The following MYBPC1 variants were observed in gnomAD, a reference collection of about 807,000 sequenced individuals.
MYBPC1 encodes myosin binding protein C1.
MYBPC1 carries 52 observed loss-of-function variants against 147.1 expected under a neutral mutation model. The observed-to-expected ratio is 0.35, with a 90% CI of 0.28 to 0.45. The LOEUF is 0.45. MYBPC1 is among the 20% of genes least tolerant of loss of function. The probability of loss-of-function intolerance (pLI) is 1.00; values close to 1 mark genes in which losing one functional copy is unlikely to be tolerated. For synonymous variants in MYBPC1, 477 were observed against 475.9 expected (o/e 1.00, Z -0.03); for missense variants, 1,228 against 1,440.3 (o/e 0.85, Z 2.39).
intron 21 of MYBPC1, among the ~76,000 whole-genome samples, chr12:101,663,104 C>T (rs759003709): frequency 1.3e-5 from 2 of 151,942 alleles, no homozygotes; most frequent in Non-Finnish European, 2.9e-5. Flanking sequence ...CAAGTTTGCA[C>T]TTGGAAATTA....
chr12:101,617,143 C>T (rs1886290630), intron 2 of MYBPC1, 59 bp from the exon 3 acceptor site: 4 of 1,553,668 alleles, frequency 2.6e-6, no homozygotes, highest in Non-Finnish European at 3.6e-6. Flanking sequence ...CCCCGTTGCT[C>T]ATCACACAAT....
intron 22 of MYBPC1, chr12:101,666,626 A>G (rs974771355): frequency 9.8e-7 from 1 of 1,025,626 alleles, no homozygotes; most frequent in Non-Finnish European, 1.5e-6. Flanking sequence ...TGCTCTGAGG[A>G]CAAATCTCTT....
Position 101,623,911 on chromosome 12 carries a change from C to G in MYBPC1, c.104-2961C>G, listed in dbSNP as rs1887986993. Among the ~76,000 whole-genome samples, 3 of 152,094 alleles carry G rather than the reference C, an allele frequency of 2.0e-5. No individual in the cohort carries two copies. In the South Asian group the frequency reaches 6.2e-4, roughly 32 times the overall value. On this transcript the variant is annotated intron_variant, in intron 3 of 31. Transcript: ENST00000361466. ...TTCTAATAGCTCAGAAATACCTATACCGGGCAAATGCACAATGTTGTGGAA... is the reference window on the plus strand; with the variant it reads ...TTCTAATAGCTCAGAAATACCTATAGCGGGCAAATGCACAATGTTGTGGAA...
intron 3 of MYBPC1, among the ~76,000 whole-genome samples, chr12:101,625,199 T>TAA (rs1036784443): frequency 0.074 from 9,294 of 125,648 alleles, 778 homozygotes; most frequent in African/African-American, 0.2. Context: ...AAAAAATAAA[T>TAA]AAATAAACCT....
At chr12:101,617,293 A>T in intron 3 of MYBPC1, 50 bp downstream of exon 3, 1 of 1,582,804 alleles carries the variant, frequency 6.3e-7, no homozygotes, top group East Asian at 2.2e-5. Context: ...AATTAGAAGC[A>T]GAAAGAAGTC....
chr12:101,661,896 C>CAAAAAAAAAAAAAAA (rs66873575), intron 20 of MYBPC1, among the ~76,000 whole-genome samples: 1 of 83,184 alleles, frequency 1.2e-5, no homozygotes, highest in Non-Finnish European at 2.3e-5. Flanking sequence ...GACTCTGTCT[C>CAAAAAAAAAAAAAAA]AAAAAAAAAA....
chr12:101,661,137 C>A, intron 19 of MYBPC1, 21 bp from the exon 20 acceptor site: 1 of 1,550,952 alleles, frequency 6.4e-7, no homozygotes, highest in South Asian at 1.1e-5. Context: ...TTTACTTTAT[C>A]CTATTTTTTG....
At chr12:101,669,605 G>A (rs781159681) in intron 23 of MYBPC1, among the ~76,000 whole-genome samples, 11 of 152,102 alleles carry the variant, frequency 7.2e-5, no homozygotes, top group African/African-American at 9.7e-5. Context: ...TAGATCTTTC[G>A]TGGAATGTTC....
At chr12:101,653,851 A>G (rs975705375) in intron 18 of MYBPC1, among the ~76,000 whole-genome samples, 3 of 151,852 alleles carry the variant, frequency 2.0e-5, no homozygotes, top group South Asian at 2.1e-4. Flanking sequence ...TGCCAGCTCA[A>G]GTGTGACTCC....
chr12:101,663,656 C>T, intron 22 of MYBPC1, 96 bp downstream of exon 22: 1 of 1,373,170 alleles, frequency 7.3e-7, no homozygotes, highest in South Asian at 1.2e-5. Context: ...AACGCATCAC[C>T]TTCCTACGAA....
intron 8 of MYBPC1, among the ~76,000 whole-genome samples, chr12:101,633,181 C>T (rs1014165672): frequency 6.6e-6 from 1 of 152,108 alleles, no homozygotes; most frequent in Admixed American, 6.5e-5. Context: ...GACCTCTTCT[C>T]GAGTAGAGTA....
At position 101,675,737 on chromosome 12, in the gene MYBPC1, A is replaced by T. The variant is rs1287071572; in HGVS notation, c.2949+306A>T. The stretch of plus-strand genomic sequence containing the variant: ...GCTTGATTATTACAAAGCTAAAATG[A>T]TATAAAGCAACTGGTTCAATGTTCA... On this transcript the variant is annotated intron_variant, in intron 26 of 31. Transcript: ENST00000361466. Among the ~76,000 whole-genome samples, 4 of 152,238 alleles carry T rather than the reference A, an allele frequency of 2.6e-5. No individual in the cohort carries two copies. The East Asian group carries it at 7.7e-4, about 29-fold the overall frequency.
intron 3 of MYBPC1, among the ~76,000 whole-genome samples, chr12:101,623,721 CTT>C (rs1887950723): frequency 6.6e-6 from 1 of 152,220 alleles, no homozygotes; most frequent in African/African-American, 2.4e-5. Flanking sequence ...AATCAACAAT[CTT>C]ATATATTTCA....
intron 10 of MYBPC1, among the ~76,000 whole-genome samples, chr12:101,637,357 T>G (rs1261394666): frequency 6.6e-6 from 1 of 152,102 alleles, no homozygotes; most frequent in African/African-American, 2.4e-5. Flanking sequence ...GCAATAAAAT[T>G]TATAGGATTT....
intron 6 of MYBPC1, among the ~76,000 whole-genome samples, chr12:101,630,237 G>A (rs1236530604): frequency 4.6e-5 from 7 of 151,904 alleles, no homozygotes; most frequent in African/African-American, 9.7e-5. Context: ...TCCTTTTTAC[G>A]GCTGGATAAT....
chr12:101,619,476 T>G (rs1246900621), intron 3 of MYBPC1, among the ~76,000 whole-genome samples: 1 of 152,222 alleles, frequency 6.6e-6, no homozygotes, highest in Non-Finnish European at 1.5e-5. Context: ...GAGCTGCACA[T>G]AGCAATCATC....
intron 11 of MYBPC1, 134 bp from the exon 12 acceptor site, chr12:101,644,530 T>C (rs1446510728): frequency 1.3e-6 from 1 of 781,302 alleles, no homozygotes; most frequent in East Asian, 2.7e-5. Flanking sequence ...AAGGATAATT[T>C]GGAAGGTTTC....
chr12:101,673,741 T>G, intron 25 of MYBPC1, 119 bp downstream of exon 25: 1 of 1,121,262 alleles, frequency 8.9e-7, no homozygotes, highest in South Asian at 1.3e-5. Context: ...ACTCTTTTTT[T>G]AGATTTATTT....
intron 10 of MYBPC1, among the ~76,000 whole-genome samples, chr12:101,639,476 G>A (rs1173236314): frequency 1.3e-5 from 2 of 152,170 alleles, no homozygotes; most frequent in Non-Finnish European, 2.9e-5. Flanking sequence ...CAAGATAGAT[G>A]CTTCTCTTTA....
Sources: allele counts gnomAD v4.1 joint callset (sites outside exome capture counted in the v4.1 genomes callset), GRCh38; gene constraint gnomAD v4.1.1; transcripts MANE v1.5; gene names NCBI Gene and HGNC (gene_info 2026-07-23, HGNC 2026-07-21).